CHRNA4: variants seen among roughly 807,000 people sequenced by gnomAD.
The protein encoded by CHRNA4 is cholinergic receptor nicotinic alpha 4 subunit, also known as neuronal acetylcholine receptor subunit alpha-4.
Under a neutral mutation model 48.9 loss-of-function variants are expected in CHRNA4, and 28 were observed. The observed-to-expected ratio is 0.57, with a 90% CI of 0.42 to 0.79. The LOEUF (loss-of-function observed/expected upper bound fraction) is 0.79, where lower values mean the gene tolerates loss of function less well. Among genes scored for constraint, CHRNA4 ranks in the 30% least tolerant of loss-of-function variants. CHRNA4 has a pLI of 0.00. For synonymous variants in CHRNA4, 425 were observed against 402.3 expected (o/e 1.06, Z -0.68); for missense variants, 859 against 898.4 (o/e 0.96, Z 0.56).
rs1368613763 is a variant in CHRNA4, at chr20:63,344,312, A to G, written c.*2426T>C. On this transcript the variant is annotated 3_prime_UTR_variant, in exon 6 of 6. Coordinates refer to ENST00000370263, the MANE Select transcript of CHRNA4 (RefSeq NM_000744.7). The surrounding 1 kb of genome is among the most constrained non-coding windows in gnomAD (Gnocchi z 4.5). ...GCCACAGATGGGGAGGGACGCCGAC[A>G]GGAAGGGCTGGAGGGACCTTCTAGG... 2.2e-6 allele frequency: 1 copy of G among 454,088 alleles called. No individual in the cohort carries two copies. Among genetic ancestry groups the G allele is most frequent in the Non-Finnish European group, 4.4e-6 (1 of 226,770 alleles). 28.1% of individuals were successfully genotyped at this position (454,088 alleles called of 1,614,324 possible). A position where few individuals can be genotyped will look rare whatever the true frequency, so the allele number is the denominator to read the frequency against.
rs1339421635 is a variant in CHRNA4 at position 63,344,006 on chromosome 20, A to G, written c.*2732T>C. 1 of 454,156 alleles carries G rather than the reference A, an allele frequency of 2.2e-6. No individual in the cohort carries two copies. The highest frequency in any genetic ancestry group is 1.6e-5 in the South Asian group (1 of 64,478). The allele number at this position is 454,156 out of a possible 1,614,324, so 28.1% of individuals were successfully genotyped here. On this transcript the variant is annotated 3_prime_UTR_variant, in exon 6 of 6. Coordinates refer to ENST00000370263, the MANE Select transcript of CHRNA4 (RefSeq NM_000744.7). This position sits in a 1 kb window ranked among gnomAD's most constrained non-coding sequence, Gnocchi z 4.5. ...AAACATGCATAACGGATAGAGTGCC[A>G]TGCACACACCGGCACCTCCATTCCT...
At chr20:63,356,577 G>A (rs1325265823) in intron 2 of CHRNA4, 162 bp from the exon 3 acceptor site, 16 of 725,248 alleles carry the variant, frequency 2.2e-5, no homozygotes, top group African/African-American at 5.3e-5. Context: ...GGAGGCAGCC[G>A]AGCCCAGGAT....
At chr20:63,351,174 C>CCCCACGT (rs1268620636) in intron 4 of CHRNA4, 147 bp from the exon 5 acceptor site, 1 of 528,422 alleles carries the variant, frequency 1.9e-6, no homozygotes, top group Non-Finnish European at 3.2e-6. Flanking sequence ...CACGTCCACG[C>CCCCACGT]CCACATCCAT....
intron 1 of CHRNA4, 159 bp downstream of exon 1, chr20:63,360,931 G>T: frequency 1.8e-6 from 1 of 557,342 alleles, no homozygotes; most frequent in Non-Finnish European, 2.8e-6. Context: ...GGGTGCGAGC[G>T]CAGCCTGTGC....
At position 63,356,364 on chromosome 20, in the gene CHRNA4, C is replaced by T. The variant is rs202233788; in HGVS notation, c.273+7G>A. On this transcript the variant is annotated splice_region_variant and intron_variant, in intron 3 of 5. Transcript: ENST00000370263. Reference sequence around the variant, plus strand: ...GGGGTGGGGCAGGGCAGTGCCCTCCCACTCACCTGCTTCACCCATACGTTC... The same window carrying T: ...GGGGTGGGGCAGGGCAGTGCCCTCCTACTCACCTGCTTCACCCATACGTTC... The T allele has an allele frequency of 4.6e-5, 73 of 1,586,476 alleles. No individual in the cohort carries two copies. Among genetic ancestry groups the T allele is most frequent in the Non-Finnish European group, 6.1e-5 (71 of 1,166,744 alleles).
Position 63,344,502 on chromosome 20 carries a change from A to AT in CHRNA4, c.*2235_*2236insA. 1 of 453,184 alleles carries AT rather than the reference A, an allele frequency of 2.2e-6. No homozygotes were observed. Among genetic ancestry groups the AT allele is most frequent in the Non-Finnish European group, 4.4e-6 (1 of 226,504 alleles). 28.1% of individuals were successfully genotyped at this position (453,184 alleles called of 1,614,324 possible). On this transcript the variant is annotated 3_prime_UTR_variant, in exon 6 of 6. Coordinates refer to ENST00000370263, the MANE Select transcript of CHRNA4 (RefSeq NM_000744.7). The surrounding 1 kb of genome is among the most constrained non-coding windows in gnomAD (Gnocchi z 4.5). Reference sequence around the variant, plus strand: ...ATTTTTTTTTTGAGCCTCAAAAAAAAAAAGAAAGGGAAAGGGGTCTTCCCC... The same window carrying AT: ...ATTTTTTTTTTGAGCCTCAAAAAAAATAAAGAAAGGGAAAGGGGTCTTCCCC...
chr20:63,360,092 G>A, intron 1 of CHRNA4: 1 of 295,134 alleles, frequency 3.4e-6, no homozygotes, highest in African/African-American at 2.2e-5. Context: ...GCCGAGGACT[G>A]CTTTGGGTCT....
chr20:63,349,813 C>T lies in CHRNA4; in HGVS notation c.1598G>A (p.Cys533Tyr). 1 of 1,603,756 alleles carries T rather than the reference C, an allele frequency of 6.2e-7. No individual in the cohort carries two copies. The highest frequency in any genetic ancestry group is 8.5e-7 in the Non-Finnish European group (1 of 1,172,980). ...PDQPSPCKCT[C>Y]KKEPSSVSPS... ...GGACACCGAAGAGGGCTCCTTCTTG[C>T]ATGTGCATTTGCACGGAGAGGGCTG... Residue 533 changes from cysteine (C) to tyrosine (Y), a missense_variant, in exon 5 of 6, where the codon TGC becomes TAC. Physicochemically the swap from Cys to Tyr is radical, Grantham distance 194. Transcript: ENST00000370263.
Position 63,349,545 on chromosome 20 carries a change from G to A in CHRNA4, c.1758+108C>T. 4 of 1,434,052 alleles carry A rather than the reference G, an allele frequency of 2.8e-6. No individual in the cohort carries two copies. In the South Asian group the frequency reaches 3.4e-5, roughly 12 times the overall value. The allele number at this position is 1,434,052 out of a possible 1,614,324, so 88.8% of individuals were successfully genotyped here. On this transcript the variant is annotated intron_variant, in intron 5 of 5. Coordinates refer to ENST00000370263, the MANE Select transcript of CHRNA4 (RefSeq NM_000744.7). Reference sequence around the variant, plus strand: ...GCCACGCCCTGCACCCCAAAGCGAAGCAGCCTGAGGCCTGGGCCCGGCTCC... The same window carrying A: ...GCCACGCCCTGCACCCCAAAGCGAAACAGCCTGAGGCCTGGGCCCGGCTCC...
At chr20:63,349,565 G>A (rs751791822) in intron 5 of CHRNA4, 88 bp downstream of exon 5, 29 of 1,543,016 alleles carry the variant, frequency 1.9e-5, no homozygotes, top group African/African-American at 6.8e-5. Flanking sequence ...GCCTGGGCCC[G>A]GCTCCTGGAT....
rs781323194 is a variant in CHRNA4 at position 63,345,301 on chromosome 20, TCAG to T, written c.*1434_*1436del. 2 of 453,460 alleles carry T rather than the reference TCAG, an allele frequency of 4.4e-6. No individual in the cohort carries two copies. Among genetic ancestry groups the T allele is most frequent in the Non-Finnish European group, 4.4e-6 (1 of 226,440 alleles). 28.1% of individuals were successfully genotyped at this position (453,460 alleles called of 1,614,324 possible). On this transcript the variant is annotated 3_prime_UTR_variant, in exon 6 of 6. Transcript: ENST00000370263. The surrounding 1 kb of genome is among the most constrained non-coding windows in gnomAD (Gnocchi z 5.4). ...CTGGGGGCAGCAGAATGTGGACCACTCAGCAGGAGGCTTCCTGACTGTCTCCTC... is the reference window on the plus strand; with the variant it reads ...CTGGGGGCAGCAGAATGTGGACCACTCAGGAGGCTTCCTGACTGTCTCCTC...
rs1343102634 is a variant in CHRNA4 at position 63,346,144 on chromosome 20, C to T, written c.*594G>A. ...AAGACTTGAGTTCTCACTAACTTAC[C>T]CAAAACACAACCAAACACAATCCCT... On this transcript the variant is annotated 3_prime_UTR_variant, in exon 6 of 6. Coordinates refer to ENST00000370263, the MANE Select transcript of CHRNA4 (RefSeq NM_000744.7). 1 of 454,100 alleles carries T rather than the reference C, an allele frequency of 2.2e-6. No homozygotes were observed. Among genetic ancestry groups the T allele is most frequent in the Non-Finnish European group, 4.4e-6 (1 of 226,770 alleles). 28.1% of individuals were successfully genotyped at this position (454,100 alleles called of 1,614,324 possible).
At position 63,349,835 on chromosome 20, in the gene CHRNA4, G is replaced by A. The variant is rs1064795533; in HGVS notation, c.1576C>T (p.Pro526Ser). ...HSAELPPPDQ[P>S]SPCKCTCKKE... ...TTGCATGTGCATTTGCACGGAGAGG[G>A]CTGGTCTGGGGGTGGGAGCTCAGCC... Residue 526 changes from proline (P) to serine (S), a missense_variant, in exon 5 of 6, where the codon CCC becomes TCC. Pro to Ser is a moderately conservative substitution (Grantham distance 74). Transcript: ENST00000370263. The A allele has an allele frequency of 1.4e-5, 23 of 1,597,146 alleles. No homozygotes were observed. The highest frequency in any genetic ancestry group is 2.0e-5 in the Non-Finnish European group (23 of 1,168,636).
At chr20:63,351,266 A>G (rs562957694) in intron 4 of CHRNA4, 6 of 74,648 alleles carry the variant, frequency 8.0e-5, no homozygotes, top group Non-Finnish European at 2.1e-4. Context: ...ACGTCCACAC[A>G]CAGAGGCATT....
chr20:63,360,479 G>T (rs1281594847), intron 1 of CHRNA4, among the ~76,000 whole-genome samples: 2 of 152,104 alleles, frequency 1.3e-5, no homozygotes, highest in Non-Finnish European at 2.9e-5. Context: ...GGCATTCCCC[G>T]CCTGTCCTGG....
Position 63,361,233 on chromosome 20 carries a change from G to A in CHRNA4, c.-68C>T, listed in dbSNP as rs2068815960. On this transcript the variant is annotated 5_prime_UTR_variant, in exon 1 of 6. Coordinates refer to ENST00000370263, the MANE Select transcript of CHRNA4 (RefSeq NM_000744.7). ...CTCCCCGCCGCTTCGAGGCCCGTGC[G>A]CGCCCAACTTCATGCCTCCCGCGCC... is the stretch of plus-strand genomic sequence containing the variant. 1.4e-6 allele frequency: 2 copies of A among 1,441,730 alleles called. No homozygotes were observed. Among genetic ancestry groups the A allele is most frequent in the Non-Finnish European group, 9.1e-7 (1 of 1,101,754 alleles). 89.3% of individuals were successfully genotyped at this position (1,441,730 alleles called of 1,614,324 possible). A position where few individuals can be genotyped will look rare whatever the true frequency, so the allele number is the denominator to read the frequency against.
chr20:63,360,885 G>A (rs1372939221), intron 1 of CHRNA4: 2 of 424,684 alleles, frequency 4.7e-6, no homozygotes, highest in East Asian at 3.6e-5. Flanking sequence ...CTCCGCATTC[G>A]CCGGCGGTCA....
chr20:63,352,671 T>C (rs577687435), intron 4 of CHRNA4, among the ~76,000 whole-genome samples: 6 of 152,308 alleles, frequency 3.9e-5, no homozygotes, highest in East Asian at 1.9e-4. Context: ...GATTCTCATA[T>C]GGCAAGCGGG....
chr20:63,355,424 C>A, intron 4 of CHRNA4: 1 of 1,001,252 alleles, frequency 1.0e-6, no homozygotes, highest in South Asian at 1.3e-5. Flanking sequence ...CGTGACATGT[C>A]CTGGGCAGAG....
Sources: gnomAD v4.1 joint callset for allele counts (sites outside exome capture counted in the v4.1 genomes callset) on GRCh38, gnomAD v4.1.1 for gene constraint, Gnocchi (gnomAD v3.1) non-coding constraint, MANE v1.5 for transcripts, NCBI Gene and HGNC (gene_info 2026-07-23, HGNC 2026-07-21) for gene names.